Variants in PDE1C observed in about 807,000 individuals in gnomAD.
PDE1C encodes the protein dual specificity calcium/calmodulin-dependent 3',5'-cyclic nucleotide phosphodiesterase 1C.
Under a neutral mutation model 93.1 loss-of-function variants are expected in PDE1C, and 62 were observed. That is an observed-to-expected ratio of 0.67 (90% CI 0.54 to 0.82). The LOEUF (loss-of-function observed/expected upper bound fraction) is 0.82, where lower values mean the gene tolerates loss of function less well. Among genes scored for constraint, PDE1C ranks in the 40% least tolerant of loss-of-function variants. The pLI, the probability that PDE1C is intolerant of heterozygous loss-of-function variation, is 0.00. For synonymous variants in PDE1C, 325 were observed against 310.1 expected (o/e 1.05, Z -0.50); for missense variants, 742 against 884.6 (o/e 0.84, Z 2.04).
intron 2 of PDE1C, among the ~76,000 whole-genome samples, chr7:32,190,630 G>T (rs1452765068): frequency 6.6e-6 from 1 of 152,160 alleles, no homozygotes; most frequent in Non-Finnish European, 1.5e-5. Context: ...CACAGATCTT[G>T]AATCTTTTCA....
At chr7:31,724,653 G>A in the PDE1C span, among the ~76,000 whole-genome samples, 1 of 152,198 alleles carries the variant, frequency 6.6e-6, no homozygotes, top group Non-Finnish European at 1.5e-5. Flanking sequence ...AGGAAAGACT[G>A]AGAAACCTGC....
At chr7:31,796,496 A>T (rs1486756071) in intron 16 of PDE1C, among the ~76,000 whole-genome samples, 2 of 151,746 alleles carry the variant, frequency 1.3e-5, no homozygotes, top group Admixed American at 6.6e-5. Flanking sequence ...AAAAGTATAT[A>T]AAAAATGCAT....
chr7:32,224,633 A>C (rs1189873273), intron 1 of PDE1C, among the ~76,000 whole-genome samples: 1 of 151,788 alleles, frequency 6.6e-6, no homozygotes, highest in Middle Eastern at 3.2e-3. Context: ...GTATTAAAGA[A>C]ACATGTGTAG....
At chr7:32,175,661 C>A (rs1482720060) in intron 2 of PDE1C, among the ~76,000 whole-genome samples, 1 of 152,224 alleles carries the variant, frequency 6.6e-6, no homozygotes, top group African/African-American at 2.4e-5. Flanking sequence ...CTTTGGAAAA[C>A]TGAATTCGTT....
chr7:32,337,125 C>T (rs549198399), intron 1 of PDE1C, among the ~76,000 whole-genome samples: 2 of 152,214 alleles, frequency 1.3e-5, no homozygotes, highest in South Asian at 4.2e-4. Flanking sequence ...AGGCTCCCTA[C>T]CTCTGGTCTC....
At chr7:31,935,757 G>A (rs891785722) in intron 2 of PDE1C, among the ~76,000 whole-genome samples, 5 of 152,068 alleles carry the variant, frequency 3.3e-5, no homozygotes, top group Non-Finnish European at 7.4e-5. Context: ...ATGGGGGACC[G>A]AAGAATGACC....
chr7:31,885,685 G>A lies in PDE1C; in HGVS notation c.129-4825C>T, dbSNP rs183718321. 8.1e-3 allele frequency among the ~76,000 whole-genome samples: 1,229 copies of A among 152,302 alleles called. 5 individuals are homozygous for A. The highest frequency in any genetic ancestry group is 0.012 in the Non-Finnish European group (845 of 68,030). ...TATTTTGTAATTTAAAAGGATGTTA[G>A]GGAGGAGAGATATTTCTTTTTTTTC... On this transcript the variant is annotated intron_variant, in intron 2 of 17. Coordinates refer to ENST00000396191, the MANE Select transcript of PDE1C (RefSeq NM_001191057.4).
chr7:31,797,041 G>A (rs1045766856), intron 16 of PDE1C, among the ~76,000 whole-genome samples: 8 of 151,586 alleles, frequency 5.3e-5, no homozygotes, highest in Admixed American at 5.3e-4. Context: ...AGAAAATAAG[G>A]TTGTAACTGC....
At chr7:32,310,966 T>C (rs574990994) in intron 1 of PDE1C, among the ~76,000 whole-genome samples, 2 of 152,334 alleles carry the variant, frequency 1.3e-5, no homozygotes, top group African/African-American at 4.8e-5. Flanking sequence ...ATCCAGGAGC[T>C]GCTTTTTTGA....
intron 1 of PDE1C, among the ~76,000 whole-genome samples, chr7:32,392,682 A>T (rs1784772631): frequency 1.3e-5 from 2 of 152,216 alleles, no homozygotes; most frequent in South Asian, 4.1e-4. Context: ...AGAATTAAGG[A>T]CAAAAGCCAC....
chr7:32,366,902 G>A (rs952501942), intron 1 of PDE1C, among the ~76,000 whole-genome samples: 10 of 151,662 alleles, frequency 6.6e-5, no homozygotes, highest in African/African-American at 2.4e-4. Context: ...GGTGGCGGGT[G>A]CCTGTAGTCC....
chr7:31,753,860 C>T (rs1262199376), intron 17 of PDE1C, among the ~76,000 whole-genome samples: 1 of 152,176 alleles, frequency 6.6e-6, no homozygotes, highest in Non-Finnish European at 1.5e-5. Flanking sequence ...GGGGTCATTT[C>T]TGGGAACAGC....
At chr7:31,969,712 G>A (rs1584258319) in intron 2 of PDE1C, among the ~76,000 whole-genome samples, 1 of 152,090 alleles carries the variant, frequency 6.6e-6, no homozygotes, top group South Asian at 2.1e-4. Context: ...TTGCAGTGCT[G>A]TTCTCAATAG....
chr7:32,394,756 G>A (rs1283776786), intron 1 of PDE1C, among the ~76,000 whole-genome samples: 2 of 152,196 alleles, frequency 1.3e-5, no homozygotes, highest in Admixed American at 1.3e-4. Context: ...TAAGACTGCA[G>A]TGAACCATGA....
intron 2 of PDE1C, among the ~76,000 whole-genome samples, chr7:32,204,454 C>T (rs1249757770): frequency 1.3e-5 from 2 of 152,180 alleles, no homozygotes; most frequent in Non-Finnish European, 2.9e-5. Flanking sequence ...GCCACAAGAG[C>T]TCTGTGGGCA....
At chr7:31,759,564 A>C (rs1013927219) in intron 17 of PDE1C, among the ~76,000 whole-genome samples, 1 of 152,234 alleles carries the variant, frequency 6.6e-6, no homozygotes, top group African/African-American at 2.4e-5. Context: ...AAAATGATCT[A>C]ATTAGTTAAT....
chr7:32,052,970 C>CTATA lies in PDE1C; in HGVS notation c.102-1391_102-1390insTATA, dbSNP rs748022987. ...AAAAAATATTAAAATATGGATACAC[C>CTATA]TAGTTACATATAAAGGTATATACAA... On this transcript the variant is annotated intron_variant, in intron 1 of 17. Transcript: ENST00000396191. 8.6e-5 allele frequency among the ~76,000 whole-genome samples: 13 copies of CTATA among 152,042 alleles called. 3 individuals are homozygous for CTATA. The highest frequency in any genetic ancestry group is 6.5e-5 in the Admixed American group (1 of 15,274).
chr7:31,780,029 T>C (rs1462809278), intron 16 of PDE1C, among the ~76,000 whole-genome samples: 2 of 152,200 alleles, frequency 1.3e-5, no homozygotes, highest in South Asian at 2.1e-4. Flanking sequence ...CTTGGATTCA[T>C]TGTAGAAATC....
chr7:31,919,853 G>C (rs1192032383), intron 2 of PDE1C, among the ~76,000 whole-genome samples: 1 of 152,140 alleles, frequency 6.6e-6, no homozygotes, highest in Non-Finnish European at 1.5e-5. Flanking sequence ...ATCCACGCCT[G>C]TGGTGCTCCC....
Sources: allele counts gnomAD v4.1 joint callset (sites outside exome capture counted in the v4.1 genomes callset), GRCh38; gene constraint gnomAD v4.1.1; transcripts MANE v1.5; gene names NCBI Gene and HGNC (gene_info 2026-07-23, HGNC 2026-07-21).